Variants in NR2C2 observed in about 807,000 individuals in gnomAD.
The protein encoded by NR2C2 is Nuclear hormone receptor TR4.
A neutral mutation model predicts 62.9 loss-of-function variants in NR2C2; 6 were observed. That is an observed-to-expected ratio of 0.10 (90% CI 0.05 to 0.19). The LOEUF (loss-of-function observed/expected upper bound fraction) is 0.19. Ranked by LOEUF, NR2C2 falls within the 10% of genes least tolerant of loss-of-function variation. The pLI, the probability that NR2C2 is intolerant of heterozygous loss-of-function variation, is 1.00. For missense variants in NR2C2, 479 were observed against 762.7 expected, an observed-to-expected ratio of 0.63 and a Z score of 4.38; for synonymous variants, 272 against 273.8, an observed-to-expected ratio of 0.99 and a Z score of 0.07.
rs573042760 is a variant in NR2C2 at position 15,033,808 on chromosome 3, G to A, written c.1233-862G>A. 5.3e-5 allele frequency among the ~76,000 whole-genome samples: 8 copies of A among 152,118 alleles called. No homozygotes were observed. In the East Asian group the frequency reaches 5.8e-4, roughly 11 times the overall value. ...CCTCCTCCACAGAGTTTCTCAGTCC[G>A]GGCTAGATAAAATGTGCTACCACAT... On this transcript the variant is annotated intron_variant, in intron 10 of 13. Transcript: ENST00000425241.
chr3:14,970,617 T>A (rs2125288080), intron 1 of NR2C2, among the ~76,000 whole-genome samples: 1 of 152,368 alleles, frequency 6.6e-6, no homozygotes, highest in East Asian at 1.9e-4. Context: ...CTTAGTATAA[T>A]GTCCTCAAGG....
At chr3:15,040,151 C>T (rs2042215500) in intron 13 of NR2C2, among the ~76,000 whole-genome samples, 1 of 150,356 alleles carries the variant, frequency 6.7e-6, no homozygotes, top group Non-Finnish European at 1.5e-5. Context: ...CAGAGTGAGA[C>T]TCCTTCTCAA....
intron 1 of NR2C2, among the ~76,000 whole-genome samples, chr3:14,990,202 C>T (rs2040630243): frequency 6.6e-6 from 1 of 152,168 alleles, no homozygotes; most frequent in African/African-American, 2.4e-5. Context: ...CTTTCCTCCT[C>T]TCCTTGTAGG....
intron 1 of NR2C2, among the ~76,000 whole-genome samples, chr3:14,969,214 A>G (rs976830894): frequency 6.6e-6 from 1 of 150,630 alleles, no homozygotes; most frequent in Non-Finnish European, 1.5e-5. Flanking sequence ...TACATATACT[A>G]TGTATTTCTT....
Position 15,043,293 on chromosome 3 carries a change from AAAG to A in NR2C2, c.*286_*288del. On this transcript the variant is annotated 3_prime_UTR_variant, in exon 14 of 14. Coordinates refer to ENST00000425241, the MANE Select transcript of NR2C2 (RefSeq NM_001291694.2). ...TTCTCAAAGGGCAAAAAACAAAAAAAAAGGTTTTATAATGTCAGAGACTAGTAT... is the reference window on the plus strand; with the variant it reads ...TTCTCAAAGGGCAAAAAACAAAAAAAGTTTTATAATGTCAGAGACTAGTAT... 1 of 240,782 alleles carries A rather than the reference AAAG, an allele frequency of 4.2e-6. No individual in the cohort carries two copies. Among genetic ancestry groups the A allele is most frequent in the South Asian group, 1.5e-4 (1 of 6,868 alleles). 14.9% of individuals were successfully genotyped at this position (240,782 alleles called of 1,614,324 possible).
chr3:15,002,278 T>A (rs60143959), intron 1 of NR2C2, among the ~76,000 whole-genome samples: 2,473 of 152,332 alleles, frequency 0.016, 77 homozygotes, highest in African/African-American at 0.054. Context: ...GAGTGTTTTT[T>A]TCATGAAATG....
intron 5 of NR2C2, 74 bp from the exon 6 acceptor site, chr3:15,023,126 T>C: frequency 2.6e-6 from 4 of 1,533,178 alleles, no homozygotes; most frequent in Non-Finnish European, 3.6e-6. Flanking sequence ...AGTAATGGAT[T>C]TGGGGTTTTC....
At chr3:15,018,301 G>C (rs1313835622) in intron 4 of NR2C2, among the ~76,000 whole-genome samples, 1 of 152,046 alleles carries the variant, frequency 6.6e-6, no homozygotes, top group African/African-American at 2.4e-5. Context: ...CCAGCCAGGG[G>C]CACTTTTTAA....
chr3:15,019,706 A>AT (rs1166348474), intron 4 of NR2C2, among the ~76,000 whole-genome samples: 1 of 152,220 alleles, frequency 6.6e-6, no homozygotes, highest in Non-Finnish European at 1.5e-5. Flanking sequence ...TAAAAAAAAA[A>AT]ATTGATATCA....
chr3:14,952,080 A>C (rs2039380660), intron 1 of NR2C2, among the ~76,000 whole-genome samples: 2 of 152,242 alleles, frequency 1.3e-5, no homozygotes, highest in Non-Finnish European at 2.9e-5. Context: ...TCCAAGGAGT[A>C]ACATGGCAAG....
intron 1 of NR2C2, among the ~76,000 whole-genome samples, chr3:14,976,476 T>C (rs951169850): frequency 1.3e-5 from 2 of 152,146 alleles, no homozygotes; most frequent in African/African-American, 4.8e-5. Flanking sequence ...ACATTCCTTC[T>C]AAAAGCCTCT....
chr3:14,948,669 C>T (rs1290356292), intron 1 of NR2C2: 1 of 152,896 alleles, frequency 6.5e-6, no homozygotes, highest in Non-Finnish European at 1.5e-5. Flanking sequence ...AGCAGGTGGG[C>T]TGCTTCCCTC....
chr3:15,029,975 G>A (rs147282792), intron 8 of NR2C2, among the ~76,000 whole-genome samples: 1,752 of 152,240 alleles, frequency 0.012, 22 homozygotes, highest in South Asian at 0.045. Context: ...AATTGTCCAT[G>A]AAGTTAGATA....
At chr3:15,027,553 T>A (rs1358802705) in intron 7 of NR2C2, among the ~76,000 whole-genome samples, 1 of 152,226 alleles carries the variant, frequency 6.6e-6, no homozygotes, top group African/African-American at 2.4e-5. Context: ...TATGGGCTGT[T>A]TATATATCTT....
chr3:15,029,604 A>G (rs778650165), intron 8 of NR2C2, among the ~76,000 whole-genome samples: 1 of 152,208 alleles, frequency 6.6e-6, no homozygotes, highest in East Asian at 1.9e-4. Flanking sequence ...CTGTAAGCTC[A>G]GCATTCACAT....
At chr3:15,027,661 A>G (rs1436881964) in intron 7 of NR2C2, among the ~76,000 whole-genome samples, 2 of 152,054 alleles carry the variant, frequency 1.3e-5, no homozygotes, top group African/African-American at 4.8e-5. Flanking sequence ...GCAGTGGCAC[A>G]ATCATGGCTC....
chr3:14,999,546 T>G (rs2040928137), intron 1 of NR2C2, among the ~76,000 whole-genome samples: 1 of 152,216 alleles, frequency 6.6e-6, no homozygotes, highest in Non-Finnish European at 1.5e-5. Context: ...TTTCTTGTGC[T>G]ATTTTTGCTT....
chr3:14,981,578 G>A (rs1357037223), intron 1 of NR2C2, among the ~76,000 whole-genome samples: 2 of 149,456 alleles, frequency 1.3e-5, no homozygotes, highest in Non-Finnish European at 3.0e-5. Flanking sequence ...ACTCCATCCT[G>A]GGCGACAGAG....
intron 1 of NR2C2, among the ~76,000 whole-genome samples, chr3:14,975,397 C>T (rs1256911461): frequency 6.6e-6 from 1 of 151,998 alleles, no homozygotes; most frequent in Non-Finnish European, 1.5e-5. Context: ...CCTTCTATTC[C>T]TATTTTGTTA....
Sources: gnomAD v4.1 joint callset for allele counts (sites outside exome capture counted in the v4.1 genomes callset) on GRCh38, gnomAD v4.1.1 for gene constraint, MANE v1.5 for transcripts, NCBI Gene and HGNC (gene_info 2026-07-23, HGNC 2026-07-21) for gene names.